AJAP1: variants seen among roughly 807,000 people sequenced by gnomAD.
AJAP1 encodes adherens junction-associated protein 1.
AJAP1 carries 5 observed loss-of-function variants against 35.0 expected under a neutral mutation model. The observed-to-expected ratio is 0.14, with a 90% CI of 0.07 to 0.30. The LOEUF (loss-of-function observed/expected upper bound fraction) is 0.30. AJAP1 is among the 10% of genes least tolerant of loss of function. The probability of loss-of-function intolerance (pLI) is 1.00; values close to 1 mark genes in which losing one functional copy is unlikely to be tolerated. For synonymous variants in AJAP1, 284 were observed against 249.3 expected (o/e 1.14, Z -1.31); for missense variants, 586 against 571.0 (o/e 1.03, Z -0.27).
chr1:4,705,244 G>A (rs899229813), intron 1 of AJAP1, among the ~76,000 whole-genome samples: 4 of 151,862 alleles, frequency 2.6e-5, no homozygotes, highest in Admixed American at 2.6e-4. Flanking sequence ...ATTCAAGATG[G>A]ATTAAAGACT....
chr1:4,762,011 A>G (rs141584115), intron 2 of AJAP1, among the ~76,000 whole-genome samples: 103 of 152,310 alleles, frequency 6.8e-4, no homozygotes, highest in African/African-American at 2.4e-3. Context: ...GACACTTAAT[A>G]TTAACCATCA....
chr1:4,753,814 C>T (rs571060813), intron 2 of AJAP1, among the ~76,000 whole-genome samples: 10 of 152,310 alleles, frequency 6.6e-5, no homozygotes, highest in East Asian at 3.9e-4. Flanking sequence ...TCAGGTGATC[C>T]GCCCACCTCA....
rs1185020379 is a variant in AJAP1, at chr1:4,772,195, A to G, written c.918-85A>G. 2.6e-6 allele frequency: 4 copies of G among 1,568,126 alleles called. No homozygotes were observed. In the African/African-American group the frequency reaches 5.4e-5, roughly 21 times the overall value. On this transcript the variant is annotated intron_variant, in intron 3 of 5. Coordinates refer to ENST00000378191, the MANE Select transcript of AJAP1 (RefSeq NM_018836.4). ...GATGCGTAGCTCACGCCTGCAAGCG[A>G]AAGACCCACAGTGGAAGTCTGGAGT...
chr1:4,750,866 G>A (rs943986791), intron 2 of AJAP1, among the ~76,000 whole-genome samples: 1 of 147,324 alleles, frequency 6.8e-6, no homozygotes, highest in African/African-American at 2.5e-5. Context: ...GTCCCAGGGA[G>A]CTGGTGGCAT....
chr1:4,744,230 C>T (rs950488691), intron 2 of AJAP1, among the ~76,000 whole-genome samples: 4 of 152,206 alleles, frequency 2.6e-5, no homozygotes, highest in African/African-American at 7.2e-5. Context: ...AGGCGTGTCT[C>T]GTCTGGTGTG....
In AJAP1 at chr1:4,792,033, C is replaced by A. The variant is rs142021345; in HGVS notation, c.*9548C>A. On this transcript the variant is annotated 3_prime_UTR_variant, in exon 6 of 6. Coordinates refer to ENST00000378191, the MANE Select transcript of AJAP1 (RefSeq NM_018836.4). ...TTTTAGAACTTTATTCCCCCGCCCC[C>A]TCACCCATGTATACCAAAACTGGTT... 2.2e-4 allele frequency: 34 copies of A among 152,294 alleles called. No individual in the cohort carries two copies. Among genetic ancestry groups the A allele is most frequent in the African/African-American group, 8.2e-4 (34 of 41,550 alleles). The allele number at this position is 152,294 out of a possible 1,614,324, so 9.4% of individuals were successfully genotyped here. A position where few individuals can be genotyped will look rare whatever the true frequency, so the allele number is the denominator to read the frequency against.
At chr1:4,688,658 G>A (rs1639662697) in intron 1 of AJAP1, among the ~76,000 whole-genome samples, 1 of 151,170 alleles carries the variant, frequency 6.6e-6, no homozygotes, top group Admixed American at 6.6e-5. Flanking sequence ...TGCAATCCCA[G>A]CTACTCAGGA....
chr1:4,677,363 C>T (rs1041909754), intron 1 of AJAP1, among the ~76,000 whole-genome samples: 3 of 152,146 alleles, frequency 2.0e-5, no homozygotes, highest in African/African-American at 4.8e-5. Flanking sequence ...TCTGACCTCA[C>T]ACATCCCTGA....
chr1:4,768,263 G>A (rs1641733479), intron 2 of AJAP1, among the ~76,000 whole-genome samples: 2 of 152,260 alleles, frequency 1.3e-5, no homozygotes, highest in Non-Finnish European at 2.9e-5. Context: ...TCCTGAATCA[G>A]TGGATAGAAG....
At chr1:4,746,642 G>A (rs937883241) in intron 2 of AJAP1, among the ~76,000 whole-genome samples, 2 of 152,184 alleles carry the variant, frequency 1.3e-5, no homozygotes, top group African/African-American at 2.4e-5. Flanking sequence ...CCGAAAATAC[G>A]TTTTAGGGCT....
chr1:4,685,696 C>T (rs1361919475), intron 1 of AJAP1, among the ~76,000 whole-genome samples: 1 of 152,198 alleles, frequency 6.6e-6, no homozygotes, highest in Non-Finnish European at 1.5e-5. Flanking sequence ...AAAGAAGGCT[C>T]CTTGGCGCCA....
At chr1:4,688,276 A>G (rs540588136) in intron 1 of AJAP1, among the ~76,000 whole-genome samples, 26 of 152,312 alleles carry the variant, frequency 1.7e-4, no homozygotes, top group African/African-American at 6.0e-4. Flanking sequence ...CACTGTGACC[A>G]CACGGGGCTG....
intron 2 of AJAP1, among the ~76,000 whole-genome samples, chr1:4,746,302 A>G (rs1019814095): frequency 4.6e-5 from 7 of 152,138 alleles, no homozygotes; most frequent in African/African-American, 1.7e-4. Context: ...CATTGGATTT[A>G]GGGTCCACCC....
At chr1:4,696,711 C>T (rs1174499145) in intron 1 of AJAP1, among the ~76,000 whole-genome samples, 3 of 152,216 alleles carry the variant, frequency 2.0e-5, no homozygotes, top group Non-Finnish European at 4.4e-5. Context: ...GCTGTGCCTG[C>T]ATGGTGTGTT....
intron 1 of AJAP1, among the ~76,000 whole-genome samples, chr1:4,684,778 A>C (rs1184648439): frequency 1.3e-5 from 2 of 152,052 alleles, no homozygotes; most frequent in African/African-American, 4.8e-5. Context: ...CCCCATCTCC[A>C]TGCAATGGGA....
At chr1:4,697,992 CG>C (rs1350733644) in intron 1 of AJAP1, among the ~76,000 whole-genome samples, 3 of 152,220 alleles carry the variant, frequency 2.0e-5, no homozygotes, top group African/African-American at 7.2e-5. Context: ...GGCGGGCAGC[CG>C]GCAGGAGATT....
chr1:4,739,382 G>C (rs780793370), intron 2 of AJAP1, among the ~76,000 whole-genome samples: 4 of 152,224 alleles, frequency 2.6e-5, no homozygotes, highest in Non-Finnish European at 5.9e-5. Context: ...CAATGGTCAT[G>C]CGACAGGCCT....
At position 4,728,626 on chromosome 1, in the gene AJAP1, C is replaced by T. The variant is rs115858328; in HGVS notation, c.829+15927C>T. 8.5e-3 allele frequency among the ~76,000 whole-genome samples: 1,288 copies of T among 152,292 alleles called. 17 individuals carry two copies. Among genetic ancestry groups the T allele is most frequent in the Non-Finnish European group, 0.01 (708 of 68,036 alleles). On this transcript the variant is annotated intron_variant, in intron 2 of 5. Transcript: ENST00000378191. ...GCAGCTCCTGAATAACCCTGTGCTCCGTGGAAAGGCAGAAAGAGCAGGACA... is the reference window on the plus strand; with the variant it reads ...GCAGCTCCTGAATAACCCTGTGCTCTGTGGAAAGGCAGAAAGAGCAGGACA...
intron 2 of AJAP1, among the ~76,000 whole-genome samples, chr1:4,744,530 CAG>C (rs1335034160): frequency 6.6e-6 from 1 of 152,164 alleles, no homozygotes; most frequent in East Asian, 1.9e-4. Context: ...CGTGCACACA[CAG>C]GGATGCACCC....
Sources: gnomAD v4.1 joint callset for allele counts (sites outside exome capture counted in the v4.1 genomes callset) on GRCh38, gnomAD v4.1.1 for gene constraint, MANE v1.5 for transcripts, NCBI Gene and HGNC (gene_info 2026-07-23, HGNC 2026-07-21) for gene names.